Variants in SGCZ observed in about 807,000 individuals in gnomAD.
SGCZ encodes the protein zeta-sarcoglycan.
In SGCZ, 40 loss-of-function variants were observed where a neutral mutation model predicts 41.3. The observed-to-expected ratio is 0.97, with a 90% CI of 0.75 to 1.26. SGCZ has a LOEUF of 1.26. Ranked by LOEUF, SGCZ falls within the 50% of genes most tolerant of loss-of-function variation. The pLI is 0.00. For missense variants in SGCZ, 552 were observed against 369.8 expected (o/e 1.49, Z -4.04); for synonymous variants, 206 against 137.5 (o/e 1.50, Z -3.49).
At chr8:14,164,953 G>A (rs960526394) in intron 4 of SGCZ, 6 of 397,742 alleles carry the variant, frequency 1.5e-5, no homozygotes, top group Non-Finnish European at 2.8e-5. Flanking sequence ...AGTTTAGCCA[G>A]TTAAGAGCCC....
intron 1 of SGCZ, among the ~76,000 whole-genome samples, chr8:14,767,105 T>C (rs1027446492): frequency 6.6e-6 from 1 of 152,210 alleles, no homozygotes; most frequent in African/African-American, 2.4e-5. Flanking sequence ...TTCATAATAC[T>C]TTGGAGCTTG....
At chr8:14,767,291 A>C (rs1398126844) in intron 1 of SGCZ, among the ~76,000 whole-genome samples, 1 of 152,166 alleles carries the variant, frequency 6.6e-6, no homozygotes, top group Non-Finnish European at 1.5e-5. Context: ...TGACTGAATC[A>C]CAGGAGAGTG....
chr8:14,722,045 A>G (rs1809904028), intron 1 of SGCZ, among the ~76,000 whole-genome samples: 1 of 152,138 alleles, frequency 6.6e-6, no homozygotes, highest in Non-Finnish European at 1.5e-5. Flanking sequence ...TCATCTTCTC[A>G]GTAGTGTTCC....
chr8:14,954,857 C>G (rs7839009), intron 1 of SGCZ, among the ~76,000 whole-genome samples: 94,428 of 152,010 alleles, frequency 0.62, 29,847 homozygotes, highest in African/African-American at 0.73. Flanking sequence ...AATGTGTGGA[C>G]TGTTAAGTCA....
intron 3 of SGCZ, among the ~76,000 whole-genome samples, chr8:14,283,460 C>T (rs780963233): frequency 1.3e-5 from 2 of 151,842 alleles, no homozygotes; most frequent in Non-Finnish European, 1.5e-5. Flanking sequence ...TGTCATTATC[C>T]GTATGTGCTC....
At position 14,095,750 on chromosome 8, in the gene SGCZ, C is replaced by A. The variant is rs139212078; in HGVS notation, c.745-5113G>T. Among the ~76,000 whole-genome samples, 71 of 152,190 alleles carry A rather than the reference C, an allele frequency of 4.7e-4. 1 individual carries two copies. The East Asian group carries it at 0.012, about 26-fold the overall frequency. ...TTATCCATGAGCATGGAATGTTTTT[C>A]CATTTGTTTGTGTCCTCTCTTATTT... On this transcript the variant is annotated intron_variant, in intron 7 of 7. Transcript: ENST00000382080.
chr8:14,922,075 C>A (rs1585381282), intron 1 of SGCZ, among the ~76,000 whole-genome samples: 1 of 152,054 alleles, frequency 6.6e-6, no homozygotes, highest in Non-Finnish European at 1.5e-5. Context: ...TGAAGCCAAG[C>A]CAAGTGGTGC....
At chr8:14,343,185 C>T (rs956543990) in intron 2 of SGCZ, among the ~76,000 whole-genome samples, 1 of 152,224 alleles carries the variant, frequency 6.6e-6, no homozygotes, top group Non-Finnish European at 1.5e-5. Flanking sequence ...AAGTTTGCTG[C>T]ATGGGCAGGG....
At chr8:14,549,135 T>C (rs912748842) in intron 2 of SGCZ, among the ~76,000 whole-genome samples, 1 of 151,414 alleles carries the variant, frequency 6.6e-6, no homozygotes, top group African/African-American at 2.4e-5. Context: ...ATAGCGACTT[T>C]AAGTAAAATT....
chr8:15,047,845 G>C (rs1463513620), intron 1 of SGCZ, among the ~76,000 whole-genome samples: 1 of 151,992 alleles, frequency 6.6e-6, no homozygotes, highest in African/African-American at 2.4e-5. Context: ...ACAGATACTG[G>C]TGAAGATGTG....
At chr8:14,173,577 G>A (rs1804454613) in intron 4 of SGCZ, among the ~76,000 whole-genome samples, 1 of 152,088 alleles carries the variant, frequency 6.6e-6, no homozygotes, top group Admixed American at 6.6e-5. Context: ...TGAAGCAGCA[G>A]AGATAAATGA....
chr8:15,065,304 A>T (rs2131017943), intron 1 of SGCZ, among the ~76,000 whole-genome samples: 1 of 152,182 alleles, frequency 6.6e-6, no homozygotes, highest in Non-Finnish European at 1.5e-5. Flanking sequence ...CAGAATTAGA[A>T]GATTCTTTCC....
chr8:15,222,518 C>T (rs1020739070), intron 1 of SGCZ, among the ~76,000 whole-genome samples: 7 of 152,108 alleles, frequency 4.6e-5, no homozygotes, highest in African/African-American at 1.7e-4. Context: ...CATATTAATG[C>T]TTACAAATGA....
intron 2 of SGCZ, among the ~76,000 whole-genome samples, chr8:14,450,359 G>T (rs547259534): frequency 6.6e-6 from 1 of 152,290 alleles, no homozygotes; most frequent in East Asian, 1.9e-4. Flanking sequence ...GCCTCCACAG[G>T]AGAATTAACA....
Position 14,087,188 on chromosome 8 carries a change from A to C in SGCZ, c.*3255T>G, listed in dbSNP as rs1468696352. Among the ~76,000 whole-genome samples the C allele has an allele frequency of 4.0e-5, 6 of 151,624 alleles. No homozygotes were observed. The highest frequency in any genetic ancestry group is 8.9e-5 in the Non-Finnish European group (6 of 67,704). On this transcript the variant is annotated 3_prime_UTR_variant, in exon 8 of 8. Coordinates refer to ENST00000382080, the MANE Select transcript of SGCZ (RefSeq NM_139167.4). ...ATATCATTCACAATAAAATATATATATTTTAGACATAAATGTGTGTATGTG... is the reference window on the plus strand; with the variant it reads ...ATATCATTCACAATAAAATATATATCTTTTAGACATAAATGTGTGTATGTG...
intron 3 of SGCZ, among the ~76,000 whole-genome samples, chr8:14,238,477 T>G (rs564582577): frequency 6.6e-6 from 1 of 152,212 alleles, no homozygotes; most frequent in South Asian, 2.1e-4. Flanking sequence ...TTTTGTAAAT[T>G]CTCCTTTAGG....
intron 3 of SGCZ, among the ~76,000 whole-genome samples, chr8:14,318,977 C>T (rs943505687): frequency 1.3e-5 from 2 of 150,900 alleles, no homozygotes; most frequent in African/African-American, 4.9e-5. Context: ...AAGGGCAAAA[C>T]TTATTTGAAA....
chr8:14,528,830 A>C (rs1315493066), intron 2 of SGCZ, among the ~76,000 whole-genome samples: 1 of 78,232 alleles, frequency 1.3e-5, no homozygotes, highest in African/African-American at 6.4e-5. Flanking sequence ...GACCAGCCAA[A>C]AAAAAAACAA....
intron 1 of SGCZ, among the ~76,000 whole-genome samples, chr8:15,150,346 A>G (rs1383624930): frequency 6.6e-6 from 1 of 152,238 alleles, no homozygotes; most frequent in Non-Finnish European, 1.5e-5. Context: ...ACCCTGGTTG[A>G]ATTTAAGTCA....
Sources: gnomAD v4.1 joint callset for allele counts (sites outside exome capture counted in the v4.1 genomes callset) on GRCh38, gnomAD v4.1.1 for gene constraint, MANE v1.5 for transcripts, NCBI Gene and HGNC (gene_info 2026-07-23, HGNC 2026-07-21) for gene names.